Variants in POR observed in about 807,000 individuals in gnomAD.
POR encodes the protein NADPH--cytochrome P450 reductase.
POR carries 56 observed loss-of-function variants against 84.0 expected under a neutral mutation model. That is an observed-to-expected ratio of 0.67 (90% CI 0.54 to 0.83). The LOEUF (loss-of-function observed/expected upper bound fraction) is 0.83, where lower values mean the gene tolerates loss of function less well. POR is among the 40% of genes least tolerant of loss of function. POR has a pLI of 0.00. For synonymous variants in POR, 414 were observed against 400.5 expected, an observed-to-expected ratio of 1.03 and a Z score of -0.40; for missense variants, 938 against 944.3, an observed-to-expected ratio of 0.99 and a Z score of 0.09.
chr7:75,980,985 C>T (rs1460871054), intron 5 of POR, 63 bp from the exon 6 acceptor site: 4 of 1,489,934 alleles, frequency 2.7e-6, no homozygotes, highest in African/African-American at 1.4e-5. Flanking sequence ...GCCCTGCCCC[C>T]ATGGCCCCTC....
rs899362529 is a variant in POR at position 75,917,208 on chromosome 7, C to T, written c.-5+2029C>T. Among the ~76,000 whole-genome samples, 16 of 151,710 alleles carry T rather than the reference C, an allele frequency of 1.1e-4. No individual in the cohort carries two copies. In the Admixed American group the frequency reaches 1.1e-3, roughly 10 times the overall value. On this transcript the variant is annotated intron_variant, in intron 1 of 15. Coordinates refer to ENST00000461988, the MANE Select transcript of POR (RefSeq NM_000941.3). ...TCAGCCTCCCAAGTAGTTGGGAGTA[C>T]AGGCACGCACCACCACACCCAGCTA...
Position 75,937,785 on chromosome 7 carries a change from A to G in POR, c.-4-16204A>G, listed in dbSNP as rs1807772120. On this transcript the variant is annotated intron_variant, in intron 1 of 15. Coordinates refer to ENST00000461988, the MANE Select transcript of POR (RefSeq NM_000941.3). Reference sequence around the variant, plus strand: ...CGACAAGAGCAAAACTCCATCTAAAAAAAAAAACAATTGAGGCAAAAGTGG... The same window carrying G: ...CGACAAGAGCAAAACTCCATCTAAAGAAAAAAACAATTGAGGCAAAAGTGG... 3.3e-5 allele frequency among the ~76,000 whole-genome samples: 5 copies of G among 152,192 alleles called. No individual in the cohort carries two copies. The South Asian group carries it at 1.0e-3, about 31-fold the overall frequency.
At chr7:75,961,843 G>A (rs1295423516) in intron 2 of POR, among the ~76,000 whole-genome samples, 2 of 152,082 alleles carry the variant, frequency 1.3e-5, no homozygotes, top group South Asian at 2.1e-4. Context: ...GCAAGACCCC[G>A]TCTCTACAAA....
intron 2 of POR, among the ~76,000 whole-genome samples, chr7:75,960,691 C>T (rs1305051010): frequency 6.6e-6 from 1 of 152,098 alleles, no homozygotes; most frequent in African/African-American, 2.4e-5. Context: ...CACCGCATGG[C>T]GTGCCCTCTT....
At chr7:75,941,598 A>G (rs1807983087) in intron 1 of POR, among the ~76,000 whole-genome samples, 1 of 152,130 alleles carries the variant, frequency 6.6e-6, no homozygotes, top group Admixed American at 6.6e-5. Flanking sequence ...GGTAATAAAT[A>G]TTTTTTAGGC....
intron 1 of POR, among the ~76,000 whole-genome samples, chr7:75,938,856 C>T (rs958702429): frequency 6.6e-6 from 1 of 152,214 alleles, no homozygotes; most frequent in African/African-American, 2.4e-5. Flanking sequence ...CCGAGTTTCT[C>T]GTGTTCTAGG....
rs542360552 is a variant in POR at position 75,921,557 on chromosome 7, G to A, written c.-5+6378G>A. Among the ~76,000 whole-genome samples, 7 of 151,896 alleles carry A rather than the reference G, an allele frequency of 4.6e-5. No individual in the cohort carries two copies. In the South Asian group the frequency reaches 6.3e-4, roughly 14 times the overall value. On this transcript the variant is annotated intron_variant, in intron 1 of 15. Coordinates refer to ENST00000461988, the MANE Select transcript of POR (RefSeq NM_000941.3). ...GATTACAGCAGGCGTGAGCCACCACGCCCGGCCCTTTAAATCTCTTTCCAC... is the reference window on the plus strand; with the variant it reads ...GATTACAGCAGGCGTGAGCCACCACACCCGGCCCTTTAAATCTCTTTCCAC...
chr7:75,915,281 G>C (rs897057061), intron 1 of POR, 102 bp downstream of exon 1: 4 of 152,924 alleles, frequency 2.6e-5, no homozygotes, highest in Admixed American at 1.3e-4. Context: ...CTGGCTCTCT[G>C]CGTCGGGGTG....
At chr7:75,954,950 C>A (rs1585106295) in intron 2 of POR, among the ~76,000 whole-genome samples, 1 of 152,006 alleles carries the variant, frequency 6.6e-6, no homozygotes, top group South Asian at 2.1e-4. Flanking sequence ...TCAAGTGATC[C>A]GCCCACCTCG....
At chr7:75,977,865 TGA>T (rs1480510679) in intron 3 of POR, among the ~76,000 whole-genome samples, 1 of 152,240 alleles carries the variant, frequency 6.6e-6, no homozygotes, top group African/African-American at 2.4e-5. Context: ...CACATGTGCA[TGA>T]GGGGCCAGGA....
At chr7:75,980,263 T>C in intron 4 of POR, 76 bp from the exon 5 acceptor site, 1 of 1,537,908 alleles carries the variant, frequency 6.5e-7, no homozygotes, top group African/African-American at 1.4e-5. Context: ...GGACCTGGCC[T>C]TCCCCATCTG....
chr7:75,925,974 C>T (rs1368722784), intron 1 of POR, among the ~76,000 whole-genome samples: 3 of 151,654 alleles, frequency 2.0e-5, no homozygotes, highest in African/African-American at 4.8e-5. Flanking sequence ...GGTTCTGAAG[C>T]TCTTAGTACC....
intron 1 of POR, among the ~76,000 whole-genome samples, chr7:75,948,905 C>A (rs1787297036): frequency 6.6e-6 from 1 of 152,102 alleles, no homozygotes; most frequent in Admixed American, 6.6e-5. Flanking sequence ...GTTGTAGATT[C>A]TGTTCTCAGG....
chr7:75,954,299 C>G (rs574961840), intron 2 of POR, 119 bp downstream of exon 2: 3 of 1,098,994 alleles, frequency 2.7e-6, no homozygotes, highest in Middle Eastern at 2.2e-4. Context: ...TTTGGGGTGA[C>G]TCTTGGGTTT....
At position 75,956,726 on chromosome 7, in the gene POR, A is replaced by G. The variant is rs532038643; in HGVS notation, c.188+2546A>G. The stretch of plus-strand genomic sequence containing the variant: ...AGCTGGAAAATGAGGGTGTTGCAAC[A>G]TAGTTTTTTTTTTTTTGAGACAGAC... On this transcript the variant is annotated intron_variant, in intron 2 of 15. Transcript: ENST00000461988. Among the ~76,000 whole-genome samples the G allele has an allele frequency of 5.4e-5, 8 of 148,538 alleles. No homozygotes were observed. The South Asian group carries it at 1.3e-3, about 25-fold the overall frequency.
intron 1 of POR, among the ~76,000 whole-genome samples, chr7:75,953,093 G>T (rs1787521635): frequency 6.6e-6 from 1 of 152,184 alleles, no homozygotes; most frequent in African/African-American, 2.4e-5. Context: ...GAGGCTGGAG[G>T]ATCACTCGCG....
At chr7:75,965,728 G>T (rs182254030) in intron 2 of POR, among the ~76,000 whole-genome samples, 1 of 152,306 alleles carries the variant, frequency 6.6e-6, no homozygotes, top group Non-Finnish European at 1.5e-5. Context: ...AGGCTTTTGC[G>T]TGTGTGGAAC....
chr7:75,985,000 G>C (rs370753599), intron 11 of POR, 42 bp downstream of exon 11: 1 of 1,576,410 alleles, frequency 6.3e-7, no homozygotes, highest in East Asian at 2.3e-5. Flanking sequence ...CCGTCACCCC[G>C]CCGTTTTCCG....
intron 2 of POR, among the ~76,000 whole-genome samples, chr7:75,955,778 C>T (rs1415102199): frequency 6.6e-6 from 1 of 152,142 alleles, no homozygotes; most frequent in African/African-American, 2.4e-5. Flanking sequence ...ATGTCAGTTC[C>T]AGTCCAAGGC....
Sources: gnomAD v4.1 joint callset for allele counts (sites outside exome capture counted in the v4.1 genomes callset) on GRCh38, gnomAD v4.1.1 for gene constraint, MANE v1.5 for transcripts, NCBI Gene and HGNC (gene_info 2026-07-23, HGNC 2026-07-21) for gene names.